MYOM2: variants seen among roughly 807,000 people sequenced by gnomAD.
MYOM2 encodes the protein myomesin 2.
Under a neutral mutation model 187.6 loss-of-function variants are expected in MYOM2, and 254 were observed. The ratio of observed to expected loss-of-function variants is 1.35; its 90% CI spans 1.22 to 1.50. The LOEUF is 1.50. MYOM2 is among the 40% of genes most tolerant of loss of function. The pLI is 0.00. For missense variants in MYOM2, 2,796 were observed against 1,924.0 expected, an observed-to-expected ratio of 1.45 and a Z score of -8.48; for synonymous variants, 981 against 753.8, an observed-to-expected ratio of 1.30 and a Z score of -4.94.
At chr8:2,108,362 A>G (rs1796961402) in intron 23 of MYOM2, among the ~76,000 whole-genome samples, 2 of 150,644 alleles carry the variant, frequency 1.3e-5, no homozygotes, top group African/African-American at 4.9e-5. Context: ...CTTTAATGAG[A>G]TTGAAGAAGG....
chr8:2,128,184 C>A (rs1021610983), intron 31 of MYOM2, among the ~76,000 whole-genome samples: 1 of 152,150 alleles, frequency 6.6e-6, no homozygotes, highest in Non-Finnish European at 1.5e-5. Context: ...ACAATGCACA[C>A]CTTTGGGCAA....
intron 3 of MYOM2, among the ~76,000 whole-genome samples, chr8:2,056,708 A>C (rs558792524): frequency 6.6e-6 from 1 of 152,308 alleles, no homozygotes; most frequent in East Asian, 1.9e-4. Context: ...CCTGCAGAGG[A>C]AAACTCACAC....
chr8:2,115,469 C>A (rs7002629), intron 25 of MYOM2, among the ~76,000 whole-genome samples: 22,683 of 152,132 alleles, frequency 0.15, 1,855 homozygotes, highest in Middle Eastern at 0.2. Context: ...TCCATTTATC[C>A]TTTCCTCACC....
At chr8:2,141,217 C>T in intron 34 of MYOM2, 40 bp downstream of exon 34, 1 of 1,576,030 alleles carries the variant, frequency 6.3e-7, no homozygotes, top group Non-Finnish European at 8.7e-7. Flanking sequence ...ATCCTGTGGG[C>T]AGTTGAGTCC....
intron 12 of MYOM2, among the ~76,000 whole-genome samples, chr8:2,079,324 T>A (rs1191346635): frequency 1.3e-5 from 2 of 152,050 alleles, no homozygotes; most frequent in African/African-American, 4.8e-5. Context: ...TTCGTTATGG[T>A]TGTAAGCGAG....
At chr8:2,138,849 C>G (rs1028628520) in intron 32 of MYOM2, among the ~76,000 whole-genome samples, 2 of 152,180 alleles carry the variant, frequency 1.3e-5, no homozygotes, top group Admixed American at 1.3e-4. Context: ...TCCCACAAAA[C>G]CATCCCTGGG....
chr8:2,047,559 A>AGGCTTGGCT (rs1818349803), intron 1 of MYOM2, among the ~76,000 whole-genome samples: 1 of 152,210 alleles, frequency 6.6e-6, no homozygotes, highest in Admixed American at 6.5e-5. Flanking sequence ...GTTCTGATTT[A>AGGCTTGGCT]GGCTTGGCTG....
In MYOM2 at chr8:2,069,093, A is replaced by G. The variant is rs563037438; in HGVS notation, c.654-185A>G. Among the ~76,000 whole-genome samples, 3 of 152,348 alleles carry G rather than the reference A, an allele frequency of 2.0e-5. No individual in the cohort carries two copies. In the South Asian group the frequency reaches 6.2e-4, roughly 32 times the overall value. On this transcript the variant is annotated intron_variant, in intron 6 of 36. Coordinates refer to ENST00000262113, the MANE Select transcript of MYOM2 (RefSeq NM_003970.4). ...TGGGATCAGGCCTTCATCTGTGTCT[A>G]TAATTAATACCGAGTGCTGCCTCAC...
intron 18 of MYOM2, among the ~76,000 whole-genome samples, chr8:2,098,442 C>G (rs1796570499): frequency 6.6e-6 from 1 of 152,154 alleles, no homozygotes; most frequent in South Asian, 2.1e-4. Flanking sequence ...AGGGTGACCC[C>G]CCTTGGGTGC....
At chr8:2,132,549 A>G (rs574472086) in intron 32 of MYOM2, among the ~76,000 whole-genome samples, 4 of 152,290 alleles carry the variant, frequency 2.6e-5, no homozygotes, top group East Asian at 1.9e-4. Flanking sequence ...TCTTGGAAGT[A>G]TCTCAGAAAC....
At chr8:2,082,881 A>G (rs1044975705) in intron 13 of MYOM2, among the ~76,000 whole-genome samples, 2 of 152,182 alleles carry the variant, frequency 1.3e-5, no homozygotes, top group African/African-American at 4.8e-5. Context: ...ACTTAGAGAA[A>G]AATCTCCTGG....
chr8:2,060,628 G>T (rs959988465), intron 6 of MYOM2, among the ~76,000 whole-genome samples: 1 of 152,172 alleles, frequency 6.6e-6, no homozygotes, highest in Admixed American at 6.5e-5. Context: ...CAGAGGAAAA[G>T]GTGCCTGCTA....
At chr8:2,128,099 C>A (rs928979029) in intron 31 of MYOM2, among the ~76,000 whole-genome samples, 4 of 152,030 alleles carry the variant, frequency 2.6e-5, no homozygotes, top group African/African-American at 9.7e-5. Context: ...CTTATTATTT[C>A]ATGGAACCAC....
At position 2,120,670 on chromosome 8, in the gene MYOM2, ATATATTATAT is replaced by A. The variant is rs1293948798; in HGVS notation, c.3454-2576_3454-2567del. ...AATTTGATTTCCTGTATATATATAT[ATATATTATAT>A]TATATATAAATATATAATATATATA... is the stretch of plus-strand genomic sequence containing the variant. On this transcript the variant is annotated intron_variant, in intron 28 of 36. Coordinates refer to ENST00000262113, the MANE Select transcript of MYOM2 (RefSeq NM_003970.4). Among the ~76,000 whole-genome samples, 2 of 18,660 alleles carry A rather than the reference ATATATTATAT, an allele frequency of 1.1e-4. 1 individual carries two copies. The highest frequency in any genetic ancestry group is 2.3e-4 in the Non-Finnish European group (2 of 8,888). 12.2% of individuals were successfully genotyped at this position (18,660 alleles called of 152,430 possible). A position where few individuals can be genotyped will look rare whatever the true frequency, so the allele number is the denominator to read the frequency against.
chr8:2,124,246 C>T (rs773941516), intron 31 of MYOM2, 29 bp downstream of exon 31: 6 of 1,597,134 alleles, frequency 3.8e-6, no homozygotes, highest in African/African-American at 2.7e-5. Flanking sequence ...ATTTTCAAGT[C>T]ATTTGGGGTG....
In MYOM2 at chr8:2,106,521, G is replaced by T. The variant is rs1014053507; in HGVS notation, c.2922G>T (p.Lys974Asn). ...HSKLYLKNPD[K>N]EDLGTYSVSV... Reference sequence around the variant, plus strand: ...AGCTGTACTTAAAGAATCCGGATAAGGAGGATTTAGGGACTTACTCCGTGT... The same window carrying T: ...AGCTGTACTTAAAGAATCCGGATAATGAGGATTTAGGGACTTACTCCGTGT... Residue 974 changes from lysine to asparagine, a missense_variant, in exon 23 of 37, where the codon AAG (lysine) becomes AAT (asparagine). By Grantham distance (94) the Lys-to-Asn change is moderately conservative. Transcript: ENST00000262113. 1.2e-6 allele frequency: 2 copies of T among 1,612,626 alleles called. No individual in the cohort carries two copies. Among genetic ancestry groups the T allele is most frequent in the Non-Finnish European group, 8.5e-7 (1 of 1,178,700 alleles).
At chr8:2,091,600 G>A (rs1796304132) in intron 15 of MYOM2, among the ~76,000 whole-genome samples, 4 of 152,170 alleles carry the variant, frequency 2.6e-5, no homozygotes, top group Admixed American at 2.0e-4. Context: ...AGCCAGATAC[G>A]GAAATGAACA....
At chr8:2,131,082 G>A (rs867111711) in intron 32 of MYOM2, among the ~76,000 whole-genome samples, 25 of 152,294 alleles carry the variant, frequency 1.6e-4, no homozygotes, top group Middle Eastern at 3.4e-3. Context: ...GCCATGCGCT[G>A]TGCTGGGTCT....
rs147661043 is a variant in MYOM2, at chr8:2,057,452, G to A, written c.368G>A (p.Arg123His). The change falls in exon 4 of 37, where the codon CGC becomes CAC. Residue 123 changes from arginine to histidine, a missense_variant. Arg to His is a conservative substitution (Grantham distance 29, BLOSUM62 0). Transcript: ENST00000262113. ...EDVHLARSQA[R>H]DKLDKYAIQQ... ...GTCCACCTGGCACGCTCCCAGGCCC[G>A]CGACAAGCTGGACAAATACGCCATT... is the stretch of plus-strand genomic sequence containing the variant. 4.5e-5 allele frequency: 72 copies of A among 1,613,932 alleles called. No individual in the cohort carries two copies. The highest frequency in any genetic ancestry group is 1.3e-4 in the African/African-American group (10 of 74,938).
Sources: gnomAD v4.1 joint callset for allele counts (sites outside exome capture counted in the v4.1 genomes callset) on GRCh38, gnomAD v4.1.1 for gene constraint, MANE v1.5 for transcripts, NCBI Gene and HGNC (gene_info 2026-07-23, HGNC 2026-07-21) for gene names.